VPS8: variants seen among roughly 807,000 people sequenced by gnomAD.
VPS8 encodes vacuolar protein sorting-associated protein 8 homolog.
A neutral mutation model predicts 216.4 loss-of-function variants in VPS8; 129 were observed. The ratio of observed to expected loss-of-function variants is 0.60; its 90% CI spans 0.52 to 0.69. VPS8 has a LOEUF of 0.69. Ranked by LOEUF, VPS8 falls within the 30% of genes least tolerant of loss-of-function variation. The pLI, the probability that VPS8 is intolerant of heterozygous loss-of-function variation, is 0.00. For synonymous variants in VPS8, 571 were observed against 565.4 expected (o/e 1.01, Z -0.14); for missense variants, 1,531 against 1,683.5 (o/e 0.91, Z 1.59).
chr3:185,007,094 A>C (rs1428270348), intron 45 of VPS8, among the ~76,000 whole-genome samples: 1 of 152,240 alleles, frequency 6.6e-6, no homozygotes, highest in Non-Finnish European at 1.5e-5. Context: ...TATTCCCCAG[A>C]AAGCCTGCTT....
intron 6 of VPS8, chr3:184,839,177 G>A (rs1283086917): frequency 1.1e-5 from 2 of 180,110 alleles, no homozygotes; most frequent in Admixed American, 1.2e-4. Flanking sequence ...AGAGAACTAG[G>A]GGATATTGAA....
chr3:184,917,594 A>T (rs990138272), intron 28 of VPS8, among the ~76,000 whole-genome samples: 1 of 152,010 alleles, frequency 6.6e-6, no homozygotes, highest in Non-Finnish European at 1.5e-5. Context: ...ACACTTGGCT[A>T]ATTTTTGCAC....
At chr3:185,042,807 G>A (rs1000505457) in intron 46 of VPS8, among the ~76,000 whole-genome samples, 7 of 152,138 alleles carry the variant, frequency 4.6e-5, no homozygotes, top group African/African-American at 1.7e-4. Flanking sequence ...AATATATAAT[G>A]AGATGATCAG....
intron 26 of VPS8, 82 bp from the exon 27 acceptor site, chr3:184,914,899 A>C (rs1737243259): frequency 2.2e-6 from 3 of 1,374,704 alleles, no homozygotes. Flanking sequence ...CTAGTATCTC[A>C]AGTTTGAGAA....
At chr3:184,848,564 C>CTTTTTTTTTTTTTTTTTTTT (rs35715889) in intron 8 of VPS8, among the ~76,000 whole-genome samples, 3 of 87,204 alleles carry the variant, frequency 3.4e-5, no homozygotes, top group African/African-American at 1.0e-4. Flanking sequence ...TTCCTGTATT[C>CTTTTTTTTTTTTTTTTTTTT]TTTTTTTTTT....
intron 36 of VPS8, among the ~76,000 whole-genome samples, chr3:184,954,382 G>C (rs1203517560): frequency 6.6e-6 from 1 of 152,138 alleles, no homozygotes; most frequent in African/African-American, 2.4e-5. Flanking sequence ...TCCCTCTCCA[G>C]AGGTGTCAGG....
At chr3:185,023,187 A>AT in intron 45 of VPS8, among the ~76,000 whole-genome samples, 1 of 151,974 alleles carries the variant, frequency 6.6e-6, no homozygotes, top group Non-Finnish European at 1.5e-5. Context: ...ATTAGTTTGG[A>AT]TTTTCTCGAA....
intron 46 of VPS8, among the ~76,000 whole-genome samples, chr3:185,040,128 A>G (rs11920914): frequency 0.096 from 14,617 of 152,138 alleles, 1,663 homozygotes; most frequent in African/African-American, 0.28. Context: ...GCACTAATCT[A>G]TTCATGAGGG....
At chr3:185,015,526 CTT>C (rs1755667232) in intron 45 of VPS8, among the ~76,000 whole-genome samples, 1 of 152,218 alleles carries the variant, frequency 6.6e-6, no homozygotes, top group Non-Finnish European at 1.5e-5. Flanking sequence ...GTCTGAAAAA[CTT>C]TACCTGTTGA....
chr3:184,837,212 G>T (rs1721262783), intron 5 of VPS8, among the ~76,000 whole-genome samples: 1 of 151,576 alleles, frequency 6.6e-6, no homozygotes, highest in East Asian at 1.9e-4. Flanking sequence ...TAATATCTGT[G>T]TTTTTTTTAG....
chr3:184,921,128 C>G (rs547132734), intron 29 of VPS8, among the ~76,000 whole-genome samples: 1 of 152,260 alleles, frequency 6.6e-6, no homozygotes, highest in South Asian at 2.1e-4. Flanking sequence ...TCTCTTCTAC[C>G]TAATACTCTT....
At chr3:185,000,553 G>A (rs535294586) in intron 45 of VPS8, among the ~76,000 whole-genome samples, 45 of 151,514 alleles carry the variant, frequency 3.0e-4, no homozygotes, top group African/African-American at 1.1e-3. Context: ...CCTATAGTTG[G>A]CCTTCACATT....
chr3:184,841,372 C>A (rs1722110718), intron 7 of VPS8, among the ~76,000 whole-genome samples: 1 of 152,056 alleles, frequency 6.6e-6, no homozygotes, highest in African/African-American at 2.4e-5. Context: ...TAATGAATAT[C>A]TTTCCATGCA....
chr3:185,004,477 A>AGGGAGAGGGAGACCGTG (rs1277760416), intron 45 of VPS8, among the ~76,000 whole-genome samples: 12 of 149,158 alleles, frequency 8.0e-5, no homozygotes, highest in Admixed American at 1.3e-4. Flanking sequence ...GTGGAAAGAG[A>AGGGAGAGGGAGACCGTG]GGGAGAGGGA....
At chr3:185,020,445 C>A (rs1419895226) in intron 45 of VPS8, among the ~76,000 whole-genome samples, 1 of 144,130 alleles carries the variant, frequency 6.9e-6, no homozygotes, top group African/African-American at 2.5e-5. Context: ...ACATGTATTT[C>A]TTTTGTAATC....
chr3:184,867,132 A>T (rs1488078047), intron 17 of VPS8, among the ~76,000 whole-genome samples, 182 bp downstream of exon 17: 1 of 152,178 alleles, frequency 6.6e-6, no homozygotes, highest in Non-Finnish European at 1.5e-5. Flanking sequence ...ACTTTTAGAC[A>T]TATTCTTTAC....
chr3:184,858,358 A>G (rs915970633), intron 14 of VPS8, among the ~76,000 whole-genome samples: 1 of 152,236 alleles, frequency 6.6e-6, no homozygotes, highest in African/African-American at 2.4e-5. Flanking sequence ...AATAAATTTT[A>G]TTTCTCAACA....
At chr3:185,038,234 G>A (rs1042391807) in intron 46 of VPS8, among the ~76,000 whole-genome samples, 2 of 152,246 alleles carry the variant, frequency 1.3e-5, no homozygotes, top group South Asian at 2.1e-4. Flanking sequence ...ACCCTGGAAT[G>A]ACAGTGGTAT....
intron 15 of VPS8, among the ~76,000 whole-genome samples, chr3:184,860,709 T>C (rs1239604556): frequency 6.6e-6 from 1 of 152,190 alleles, no homozygotes; most frequent in Non-Finnish European, 1.5e-5. Context: ...ATTTTTTGTA[T>C]TTTTGAGCTT....
Sources: allele counts gnomAD v4.1 joint callset (sites outside exome capture counted in the v4.1 genomes callset), GRCh38; gene constraint gnomAD v4.1.1; transcripts MANE v1.5; gene names NCBI Gene and HGNC (gene_info 2026-07-23, HGNC 2026-07-21).